TRIM67: variants seen among roughly 807,000 people sequenced by gnomAD.
TRIM67 encodes the protein tripartite motif-containing protein 67.
A neutral mutation model predicts 71.0 loss-of-function variants in TRIM67; 39 were observed. The observed-to-expected ratio is 0.55, with a 90% CI of 0.43 to 0.72. The LOEUF (loss-of-function observed/expected upper bound fraction) is 0.72. Ranked by LOEUF, TRIM67 falls within the 30% of genes least tolerant of loss-of-function variation. The probability of loss-of-function intolerance (pLI) is 0.00; values close to 1 mark genes in which losing one functional copy is unlikely to be tolerated. For missense variants in TRIM67, 973 were observed against 1,079.2 expected (o/e 0.90, Z 1.38); for synonymous variants, 481 against 473.9 (o/e 1.01, Z -0.19).
chr1:231,187,330 G>T, intron 1 of TRIM67, among the ~76,000 whole-genome samples: 1 of 152,040 alleles, frequency 6.6e-6, no homozygotes, highest in South Asian at 2.1e-4. Context: ...AGTGGTATCC[G>T]TGCCTCCCTC....
chr1:231,186,132 A>G, intron 1 of TRIM67: 1 of 1,532,834 alleles, frequency 6.5e-7, no homozygotes, highest in Non-Finnish European at 8.7e-7. Context: ...CGGTGAATGG[A>G]TGAAGGGCTT....
In TRIM67 at chr1:231,218,199, TGACA is replaced by T. The variant is rs1684062126; in HGVS notation, c.*2765_*2768del. ...AAGGTCCCGGGTTTCAGAGTAGAAA[TGACA>T]GACAGGTCATGGAATTCTCATCCAC... On this transcript the variant is annotated 3_prime_UTR_variant, in exon 10 of 10. Coordinates refer to ENST00000366653, the MANE Select transcript of TRIM67 (RefSeq NM_001004342.5). 1 of 1,021,618 alleles carries T rather than the reference TGACA, an allele frequency of 9.8e-7. No individual in the cohort carries two copies. The highest frequency in any genetic ancestry group is 3.9e-5 in the South Asian group (1 of 25,364). The allele number at this position is 1,021,618 out of a possible 1,614,324, so 63.3% of individuals were successfully genotyped here.
In TRIM67 at chr1:231,215,442, C is replaced by T; in HGVS notation, c.*2C>T. The T allele has an allele frequency of 6.2e-7, 1 of 1,606,696 alleles. No homozygotes were observed. Among genetic ancestry groups the T allele is most frequent in the Non-Finnish European group, 8.5e-7 (1 of 1,175,888 alleles). On this transcript the variant is annotated 3_prime_UTR_variant, in exon 10 of 10. Transcript: ENST00000366653. ...CGGCCAAAGCTGTCAGGCAATTAGC[C>T]CCGCTCCAGCTCGGCACTGTGCCTG...
Position 231,209,072 on chromosome 1 carries a change from G to A in TRIM67, c.1945G>A (p.Gly649Ser). ...GCTGGGCACAGCTGCGTTCTCCAAG[G>A]GCGTGCACTACTGGGAGCTGCACGT... ...VVLGTAAFSK[G>S]VHYWELHVDR... The change falls in exon 8 of 10, where the codon GGC (glycine) becomes AGC (serine). Residue 649 changes from glycine (G) to serine (S), a missense_variant. By Grantham distance (56) the Gly-to-Ser change is moderately conservative. Transcript: ENST00000366653. The surrounding 1 kb of genome is among the most constrained non-coding windows in gnomAD (Gnocchi z 4.1). 1 of 1,613,926 alleles carries A rather than the reference G, an allele frequency of 6.2e-7. No individual in the cohort carries two copies.
intron 1 of TRIM67, among the ~76,000 whole-genome samples, chr1:231,186,758 A>T (rs1683088023): frequency 6.6e-6 from 1 of 152,184 alleles, no homozygotes; most frequent in Non-Finnish European, 1.5e-5. Context: ...GACACAATTC[A>T]GTCCGTCGCC....
chr1:231,184,726 G>A, intron 1 of TRIM67: 1 of 460,058 alleles, frequency 2.2e-6, no homozygotes, highest in South Asian at 2.9e-5. Flanking sequence ...TGTCGGGGAA[G>A]CTCTCTCTGG....
At chr1:231,200,402 C>T (rs1683487752) in intron 4 of TRIM67, 144 bp downstream of exon 4, 3 of 599,122 alleles carry the variant, frequency 5.0e-6, no homozygotes, top group Non-Finnish European at 6.0e-6. Context: ...AAGACCTAGG[C>T]TCTCACCTTG....
intron 7 of TRIM67, 63 bp from the exon 8 acceptor site, chr1:231,208,884 G>T (rs149148678): frequency 0.011 from 16,459 of 1,475,234 alleles, 182 homozygotes; most frequent in Middle Eastern, 0.024. Context: ...TCTCTGAGCC[G>T]GTTAGAAACT....
At chr1:231,198,940 G>A (rs1683446485) in intron 2 of TRIM67, 107 bp from the exon 3 acceptor site, 1 of 1,535,342 alleles carries the variant, frequency 6.5e-7, no homozygotes, top group African/African-American at 1.4e-5. Flanking sequence ...GAGAAATCTA[G>A]GATGAACTTC....
At position 231,203,732 on chromosome 1, in the gene TRIM67, T is replaced by C. The variant is rs1404054728; in HGVS notation, c.1535-135T>C. 3.4e-6 allele frequency: 4 copies of C among 1,184,200 alleles called. No homozygotes were observed. In the African/African-American group the frequency reaches 6.1e-5, roughly 18 times the overall value. 73.4% of individuals were successfully genotyped at this position (1,184,200 alleles called of 1,614,324 possible). The stretch of plus-strand genomic sequence containing the variant: ...TGACTCCTGGGCGTCTGGGAGTGAC[T>C]ACAGGGTGGCCAGGGAGGGAATTTA... On this transcript the variant is annotated intron_variant, in intron 5 of 9. Transcript: ENST00000366653.
intron 6 of TRIM67, among the ~76,000 whole-genome samples, chr1:231,205,841 T>C (rs560033048): frequency 6.6e-6 from 1 of 152,086 alleles, no homozygotes; most frequent in East Asian, 1.9e-4. Flanking sequence ...GAGTGGAAGA[T>C]GCCAGCCTCA....
chr1:231,164,786 G>A (rs1682405575), intron 1 of TRIM67, among the ~76,000 whole-genome samples: 1 of 152,054 alleles, frequency 6.6e-6, no homozygotes, highest in African/African-American at 2.4e-5. Flanking sequence ...TATCCAACTG[G>A]AAATAAGCAA....
chr1:231,209,815 C>T lies in TRIM67; in HGVS notation c.2123+565C>T, dbSNP rs1378770890. ...AAGGGTGCCCACAGCTGTGGCTTTG[C>T]CCTGAGACTGGCCCTGGGAGTAGGG... On this transcript the variant is annotated intron_variant, in intron 8 of 9. Coordinates refer to ENST00000366653, the MANE Select transcript of TRIM67 (RefSeq NM_001004342.5). The surrounding 1 kb of genome is among the most constrained non-coding windows in gnomAD (Gnocchi z 4.1). Among the ~76,000 whole-genome samples the T allele has an allele frequency of 6.6e-6, 1 of 152,168 alleles. No individual in the cohort carries two copies. The highest frequency in any genetic ancestry group is 1.5e-5 in the Non-Finnish European group (1 of 68,022).
rs1232258344 is a variant in TRIM67 at position 231,216,575 on chromosome 1, A to C, written c.*1135A>C. 1 of 985,438 alleles carries C rather than the reference A, an allele frequency of 1.0e-6. No homozygotes were observed. Among genetic ancestry groups the C allele is most frequent in the East Asian group, 1.1e-4 (1 of 8,826 alleles). The allele number at this position is 985,438 out of a possible 1,614,324, so 61.0% of individuals were successfully genotyped here. A position where few individuals can be genotyped will look rare whatever the true frequency, so the allele number is the denominator to read the frequency against. On this transcript the variant is annotated 3_prime_UTR_variant, in exon 10 of 10. Coordinates refer to ENST00000366653, the MANE Select transcript of TRIM67 (RefSeq NM_001004342.5). ...TTGTCATTATGAAAGCATCATGAAC[A>C]CAAGTGGCCCCTGTGGCAGGCCGGG...
chr1:231,175,390 C>T (rs1459009572), intron 1 of TRIM67, among the ~76,000 whole-genome samples: 1 of 152,232 alleles, frequency 6.6e-6, no homozygotes, highest in East Asian at 1.9e-4. Flanking sequence ...TTTTAGCCTA[C>T]TTACAAGCCA....
chr1:231,197,512 T>C (rs1164316440), intron 2 of TRIM67, 46 bp downstream of exon 2: 3 of 1,566,860 alleles, frequency 1.9e-6, no homozygotes, highest in Admixed American at 3.3e-5. Flanking sequence ...TGTTGAAAGT[T>C]TGCACGTTGT....
intron 6 of TRIM67, among the ~76,000 whole-genome samples, chr1:231,205,651 G>A (rs1045200601): frequency 1.3e-5 from 2 of 151,462 alleles, no homozygotes; most frequent in Non-Finnish European, 2.9e-5. Flanking sequence ...ACTTGAACTT[G>A]GAAGGCAAAG....
chr1:231,172,376 G>A (rs899555051), intron 1 of TRIM67, among the ~76,000 whole-genome samples: 6 of 152,186 alleles, frequency 3.9e-5, no homozygotes, highest in Non-Finnish European at 7.3e-5. Flanking sequence ...GAGCTTCAAT[G>A]TCCTGTTTGG....
In TRIM67 at chr1:231,199,068, G is replaced by A; in HGVS notation, c.1162G>A (p.Ala388Thr). The A allele has an allele frequency of 6.2e-7, 1 of 1,613,966 alleles. No individual in the cohort carries two copies. Among genetic ancestry groups the A allele is most frequent in the Non-Finnish European group, 8.5e-7 (1 of 1,179,878 alleles). Reference sequence around the variant, plus strand: ...CCAGGAAAACGGACTGGACTACGAAGCCTGCCTCGTTGCTCAGTGTGATGC... The same window carrying A: ...CCAGGAAAACGGACTGGACTACGAAACCTGCCTCGTTGCTCAGTGTGATGC... ...QIQENGLDYEACLVAQCDALV... is the reference protein window; with the variant it reads ...QIQENGLDYETCLVAQCDALV... The change falls in exon 3 of 10, where the codon GCC (alanine) becomes ACC (threonine). Residue 388 changes from alanine to threonine, a missense_variant. Transcript: ENST00000366653.
Sources: allele counts gnomAD v4.1 joint callset (sites outside exome capture counted in the v4.1 genomes callset), GRCh38; gene constraint gnomAD v4.1.1; non-coding constraint Gnocchi (gnomAD v3.1); transcripts MANE v1.5; gene names NCBI Gene and HGNC (gene_info 2026-07-23, HGNC 2026-07-21).